NRXN3: variants seen among roughly 807,000 people sequenced by gnomAD.
NRXN3 encodes the protein neurexin III.
In NRXN3, 32 loss-of-function variants were observed where a neutral mutation model predicts 137.6. That is an observed-to-expected ratio of 0.23 (90% CI 0.18 to 0.31). NRXN3 has a LOEUF of 0.31. Ranked by LOEUF, NRXN3 falls within the 10% of genes least tolerant of loss-of-function variation. The pLI, the probability that NRXN3 is intolerant of heterozygous loss-of-function variation, is 1.00. For synonymous variants in NRXN3, 798 were observed against 784.5 expected (o/e 1.02, Z -0.29); for missense variants, 1,574 against 2,062.5 (o/e 0.76, Z 4.59).
intron 6 of NRXN3, among the ~76,000 whole-genome samples, chr14:78,686,067 C>T (rs1330478385): frequency 1.3e-5 from 2 of 152,070 alleles, no homozygotes; most frequent in Admixed American, 6.5e-5. Flanking sequence ...TCTAACATGC[C>T]GTAAATTCAC....
At chr14:78,857,502 T>G (rs2099060797) in intron 10 of NRXN3, among the ~76,000 whole-genome samples, 1 of 152,114 alleles carries the variant, frequency 6.6e-6, no homozygotes, top group African/African-American at 2.4e-5. Context: ...TTTCTGCAAT[T>G]AAAAATGTGT....
At chr14:79,722,133 G>A (rs1362252640) in intron 19 of NRXN3, among the ~76,000 whole-genome samples, 1 of 152,018 alleles carries the variant, frequency 6.6e-6, no homozygotes, top group African/African-American at 2.4e-5. Context: ...TACATGAGTT[G>A]TCTTGATCTC....
chr14:79,749,646 T>C (rs1408673430), intron 19 of NRXN3, among the ~76,000 whole-genome samples: 3 of 152,096 alleles, frequency 2.0e-5, no homozygotes, highest in Non-Finnish European at 4.4e-5. Flanking sequence ...TCCAATCTCT[T>C]TGCCTGTTGC....
At chr14:78,685,321 A>G (rs372345090) in intron 6 of NRXN3, among the ~76,000 whole-genome samples, 1 of 152,166 alleles carries the variant, frequency 6.6e-6, no homozygotes, top group Non-Finnish European at 1.5e-5. Flanking sequence ...AGAGGCACAT[A>G]TGCTCCTATC....
intron 11 of NRXN3, 89 bp downstream of exon 11, chr14:78,957,450 A>G: frequency 1.4e-6 from 2 of 1,430,422 alleles, no homozygotes; most frequent in Non-Finnish European, 1.9e-6. Context: ...AAAACCTTTT[A>G]TTTTGCATAG....
intron 17 of NRXN3, among the ~76,000 whole-genome samples, chr14:79,679,420 G>A (rs1158508465): frequency 6.6e-6 from 1 of 152,022 alleles, no homozygotes; most frequent in East Asian, 1.9e-4. Flanking sequence ...GAAGGAAGAG[G>A]CATTGTTATT....
chr14:79,049,475 C>T (rs1361419983), intron 15 of NRXN3, among the ~76,000 whole-genome samples: 2 of 152,158 alleles, frequency 1.3e-5, no homozygotes, highest in Admixed American at 1.3e-4. Flanking sequence ...ACTTCCTATG[C>T]CAAAGTCTTG....
intron 1 of NRXN3, among the ~76,000 whole-genome samples, chr14:78,189,893 A>G (rs972636818): frequency 1.3e-5 from 2 of 152,068 alleles, no homozygotes; most frequent in African/African-American, 4.8e-5. Flanking sequence ...GTCTCCCCCA[A>G]CTACCCTTTC....
At chr14:79,127,835 A>G (rs1175239195) in intron 15 of NRXN3, among the ~76,000 whole-genome samples, 2 of 151,838 alleles carry the variant, frequency 1.3e-5, no homozygotes, top group African/African-American at 2.4e-5. Context: ...ATTTGTTTGT[A>G]TCCTCTTTTA....
intron 15 of NRXN3, among the ~76,000 whole-genome samples, chr14:79,086,637 T>G (rs1380453376): frequency 6.6e-6 from 1 of 152,192 alleles, no homozygotes; most frequent in African/African-American, 2.4e-5. Context: ...GGTCAGTATT[T>G]AATGAAAGGA....
At chr14:79,215,542 G>A (rs893001625) in intron 15 of NRXN3, among the ~76,000 whole-genome samples, 3 of 152,164 alleles carry the variant, frequency 2.0e-5, no homozygotes, top group Admixed American at 6.5e-5. Context: ...TGAAAAGCAC[G>A]TCTCACATGG....
intron 15 of NRXN3, among the ~76,000 whole-genome samples, chr14:79,347,439 T>G (rs1290847761): frequency 6.6e-6 from 1 of 151,814 alleles, no homozygotes; most frequent in Non-Finnish European, 1.5e-5. Context: ...TTTTTTTTTT[T>G]GAAACAGAGT....
chr14:78,901,330 T>C (rs936418158), intron 10 of NRXN3, among the ~76,000 whole-genome samples: 2 of 151,996 alleles, frequency 1.3e-5, no homozygotes, highest in Non-Finnish European at 2.9e-5. Context: ...ATCTTGGCTC[T>C]AACTCACCTG....
rs181171295 is a variant in NRXN3, at chr14:79,222,038, A to G, written c.3262+233897A>G. On this transcript the variant is annotated intron_variant, in intron 15 of 20. Coordinates refer to ENST00000335750, the MANE Select transcript of NRXN3 (RefSeq NM_001330195.2). Reference sequence around the variant, plus strand: ...CCTTTCCCCATTGCTTGTTTTTGTCAGGTTTGTCAAAGATCAGATGGTTTT... The same window carrying G: ...CCTTTCCCCATTGCTTGTTTTTGTCGGGTTTGTCAAAGATCAGATGGTTTT... Among the ~76,000 whole-genome samples, 10 of 152,200 alleles carry G rather than the reference A, an allele frequency of 6.6e-5. No homozygotes were observed. In the East Asian group the frequency reaches 1.5e-3, roughly 24 times the overall value.
rs770497820 is a variant in NRXN3, at chr14:79,055,631, G to GTA, written c.3262+67500_3262+67501dup. On this transcript the variant is annotated intron_variant, in intron 15 of 20. Transcript: ENST00000335750. ...ACAGCTCATTACGAGCAAGAGAGCA[G>GTA]TATATATATATTAACATTCTAATCT... 1.7e-4 allele frequency among the ~76,000 whole-genome samples: 26 copies of GTA among 152,130 alleles called. No individual in the cohort carries two copies. In the East Asian group the frequency reaches 2.3e-3, roughly 14 times the overall value.
chr14:78,262,591 A>G (rs769293701), intron 2 of NRXN3, among the ~76,000 whole-genome samples: 2 of 152,020 alleles, frequency 1.3e-5, no homozygotes, highest in African/African-American at 2.4e-5. Context: ...ATTCCCAAAT[A>G]GCTTCTCCTC....
intron 16 of NRXN3, among the ~76,000 whole-genome samples, chr14:79,560,332 A>T (rs553587056): frequency 3.9e-5 from 6 of 152,004 alleles, no homozygotes; most frequent in Admixed American, 2.6e-4. Context: ...GTGAATTTTT[A>T]AAAAATGTTA....
chr14:78,320,019 A>G (rs1416049632), intron 4 of NRXN3, among the ~76,000 whole-genome samples: 2 of 152,200 alleles, frequency 1.3e-5, no homozygotes, highest in East Asian at 3.8e-4. Context: ...ATATTTCACA[A>G]CTGGTTGCCA....
Position 79,143,431 on chromosome 14 carries a change from C to T in NRXN3, c.3262+155290C>T, listed in dbSNP as rs898783826. On this transcript the variant is annotated intron_variant, in intron 15 of 20. Coordinates refer to ENST00000335750, the MANE Select transcript of NRXN3 (RefSeq NM_001330195.2). ...GGCATTGCAGCATCTAGATTGAACT[C>T]TCCAGGCTTGCCTGTCTCATAATTT... is the stretch of plus-strand genomic sequence containing the variant. Among the ~76,000 whole-genome samples, 4 of 152,362 alleles carry T rather than the reference C, an allele frequency of 2.6e-5. No homozygotes were observed. In the East Asian group the frequency reaches 7.7e-4, roughly 29 times the overall value.
Sources: gnomAD v4.1 joint callset for allele counts (sites outside exome capture counted in the v4.1 genomes callset) on GRCh38, gnomAD v4.1.1 for gene constraint, MANE v1.5 for transcripts, NCBI Gene and HGNC (gene_info 2026-07-23, HGNC 2026-07-21) for gene names.